Variants in SIPA1L1 observed in about 807,000 individuals in gnomAD.
SIPA1L1 encodes the protein signal induced proliferation associated 1 like 1.
In SIPA1L1, 26 loss-of-function variants were observed where a neutral mutation model predicts 162.7. That is an observed-to-expected ratio of 0.16 (90% CI 0.12 to 0.22). The LOEUF (loss-of-function observed/expected upper bound fraction) is 0.22, where lower values mean the gene tolerates loss of function less well. Ranked by LOEUF, SIPA1L1 falls within the 10% of genes least tolerant of loss-of-function variation. The pLI is 1.00. For missense variants in SIPA1L1, 1,874 were observed against 2,241.0 expected (o/e 0.84, Z 3.31); for synonymous variants, 829 against 837.4 (o/e 0.99, Z 0.17).
chr14:71,347,762 T>C (rs1401719729), intron 2 of SIPA1L1, among the ~76,000 whole-genome samples: 1 of 152,240 alleles, frequency 6.6e-6, no homozygotes, highest in Non-Finnish European at 1.5e-5. Flanking sequence ...GTGAGCATCT[T>C]TTTATGTGTT....
chr14:71,321,618 G>A (rs2032989339), intron 2 of SIPA1L1: 1 of 152,326 alleles, frequency 6.6e-6, no homozygotes, highest in South Asian at 2.1e-4. Context: ...GTGCCCGAGG[G>A]TGGTTAATTT....
At chr14:71,674,970 G>T (rs1271065581) in intron 12 of SIPA1L1, among the ~76,000 whole-genome samples, 4 of 152,258 alleles carry the variant, frequency 2.6e-5, no homozygotes, top group Admixed American at 2.6e-4. Context: ...CTGCCACGTT[G>T]TGTGCTTAGA....
chr14:71,577,977 C>G (rs2033357456), intron 4 of SIPA1L1, among the ~76,000 whole-genome samples: 1 of 152,096 alleles, frequency 6.6e-6, no homozygotes, highest in Non-Finnish European at 1.5e-5. Flanking sequence ...GTGGTGCGAT[C>G]TCGCCTCACT....
chr14:71,585,788 G>A (rs1372241723), intron 4 of SIPA1L1, among the ~76,000 whole-genome samples: 1 of 152,206 alleles, frequency 6.6e-6, no homozygotes, highest in African/African-American at 2.4e-5. Context: ...TTTATGCTAT[G>A]TAGAGTATTC....
chr14:71,455,818 CCTT>C (rs1259536740), intron 2 of SIPA1L1, among the ~76,000 whole-genome samples: 1 of 152,046 alleles, frequency 6.6e-6, no homozygotes. Flanking sequence ...TTAAATTGTT[CCTT>C]CTTGTTTTTT....
chr14:71,567,803 G>C (rs1475129600), intron 4 of SIPA1L1, among the ~76,000 whole-genome samples: 1 of 149,846 alleles, frequency 6.7e-6, no homozygotes, highest in Non-Finnish European at 1.5e-5. Context: ...GTTATTTCTT[G>C]ATTATATACT....
chr14:71,348,479 T>C (rs2036389573), intron 2 of SIPA1L1, among the ~76,000 whole-genome samples: 1 of 152,238 alleles, frequency 6.6e-6, no homozygotes, highest in South Asian at 2.1e-4. Flanking sequence ...TATCCAACTC[T>C]TTATACTGTC....
intron 16 of SIPA1L1, among the ~76,000 whole-genome samples, chr14:71,708,154 A>G (rs1309022087): frequency 6.7e-6 from 1 of 149,258 alleles, no homozygotes; most frequent in Non-Finnish European, 1.5e-5. Flanking sequence ...TTTGTTTCAT[A>G]TGCTTTTGTT....
At chr14:71,360,974 G>A (rs1312947405) in intron 2 of SIPA1L1, among the ~76,000 whole-genome samples, 1 of 152,068 alleles carries the variant, frequency 6.6e-6, no homozygotes, top group Non-Finnish European at 1.5e-5. Flanking sequence ...GGTTTTGGCA[G>A]CAGTTTTTGA....
chr14:71,461,356 T>G (rs2046589679), intron 2 of SIPA1L1, among the ~76,000 whole-genome samples: 1 of 152,188 alleles, frequency 6.6e-6, no homozygotes. Flanking sequence ...AGCTCATATG[T>G]AACCTCCATC....
intron 6 of SIPA1L1, among the ~76,000 whole-genome samples, chr14:71,620,873 G>GT (rs1228569685): frequency 1.3e-5 from 2 of 152,156 alleles, no homozygotes; most frequent in African/African-American, 4.8e-5. Context: ...TGAATAAGCT[G>GT]TGTCCCTTGG....
At chr14:71,350,969 G>A (rs193443) in intron 2 of SIPA1L1, among the ~76,000 whole-genome samples, 73,456 of 152,010 alleles carry the variant, frequency 0.48, 18,318 homozygotes, top group Admixed American at 0.54. Context: ...GTGCTGTTGC[G>A]CTCTGTATTT....
chr14:71,416,733 ACACACACACACACACACACGCATG>A (rs1324462020), intron 2 of SIPA1L1, among the ~76,000 whole-genome samples: 21 of 151,526 alleles, frequency 1.4e-4, no homozygotes, highest in African/African-American at 4.4e-4. Context: ...ACACACACAC[ACACACACACACACACACACGCATG>A]CACACACACA....
At chr14:71,698,402 C>T (rs768089812) in intron 13 of SIPA1L1, among the ~76,000 whole-genome samples, 6 of 152,174 alleles carry the variant, frequency 3.9e-5, no homozygotes, top group Non-Finnish European at 8.8e-5. Flanking sequence ...TTCAGTAATT[C>T]TAGTTAAATT....
intron 2 of SIPA1L1, among the ~76,000 whole-genome samples, chr14:71,475,228 C>T (rs1391865873): frequency 6.6e-6 from 1 of 152,176 alleles, no homozygotes; most frequent in Non-Finnish European, 1.5e-5. Flanking sequence ...ATACTTCAGG[C>T]TTGAAATATT....
At chr14:71,628,060 G>T (rs2040208537) in intron 7 of SIPA1L1, among the ~76,000 whole-genome samples, 1 of 152,052 alleles carries the variant, frequency 6.6e-6, no homozygotes, top group Non-Finnish European at 1.5e-5. Flanking sequence ...TGAGGCAGGA[G>T]GATTGCTTGA....
chr14:71,614,089 A>G (rs1175522524), intron 5 of SIPA1L1, among the ~76,000 whole-genome samples: 1 of 152,076 alleles, frequency 6.6e-6, no homozygotes, highest in Non-Finnish European at 1.5e-5. Context: ...AGTCCCAGCT[A>G]CTCAGGAGGC....
In SIPA1L1 at chr14:71,618,907, G is replaced by C. The variant is rs1229451814; in HGVS notation, c.1629+20G>C. On this transcript the variant is annotated intron_variant, in intron 6 of 23. Transcript: ENST00000381232. ...AGTGAGGTAAGTCGCAAATGAGAGA[G>C]GTTTGAGGTTTAACTGAAATGGGGA... 8 of 1,607,070 alleles carry C rather than the reference G, an allele frequency of 5.0e-6. No individual in the cohort carries two copies. Among genetic ancestry groups the C allele is most frequent in the Non-Finnish European group, 6.8e-6 (8 of 1,176,934 alleles).
chr14:71,408,361 T>C (rs2042170939), intron 2 of SIPA1L1, among the ~76,000 whole-genome samples: 2 of 147,268 alleles, frequency 1.4e-5, no homozygotes, highest in Admixed American at 1.3e-4. Flanking sequence ...TGCTGTGGGC[T>C]AAGCAGTTTA....
Sources: gnomAD v4.1 joint callset for allele counts (sites outside exome capture counted in the v4.1 genomes callset) on GRCh38, gnomAD v4.1.1 for gene constraint, MANE v1.5 for transcripts, NCBI Gene and HGNC (gene_info 2026-07-23, HGNC 2026-07-21) for gene names.